Variants in IKZF2 observed in about 807,000 individuals in gnomAD.
IKZF2 encodes IKAROS family zinc finger 2, also known as zinc finger protein Helios.
A neutral mutation model predicts 49.2 loss-of-function variants in IKZF2; 15 were observed. That is an observed-to-expected ratio of 0.30 (90% CI 0.20 to 0.47). IKZF2 has a LOEUF of 0.47. Among genes scored for constraint, IKZF2 ranks in the 20% least tolerant of loss-of-function variants. IKZF2 has a pLI of 1.00. For missense variants in IKZF2, 567 were observed against 664.6 expected, an observed-to-expected ratio of 0.85 and a Z score of 1.61; for synonymous variants, 227 against 221.4, an observed-to-expected ratio of 1.03 and a Z score of -0.23.
At chr2:213,149,669 C>A (rs1322672837) in intron 2 of IKZF2, among the ~76,000 whole-genome samples, 1 of 152,046 alleles carries the variant, frequency 6.6e-6, no homozygotes, top group South Asian at 2.1e-4. Context: ...TTAGCCCTGG[C>A]TCCTGGAATT....
chr2:213,054,672 T>C (rs1373233901), intron 5 of IKZF2, among the ~76,000 whole-genome samples: 1 of 152,148 alleles, frequency 6.6e-6, no homozygotes, highest in Admixed American at 6.6e-5. Flanking sequence ...AAAATCTAGA[T>C]CTGAAGAAAG....
chr2:213,078,140 T>C (rs1212879849), intron 4 of IKZF2, among the ~76,000 whole-genome samples: 2 of 152,168 alleles, frequency 1.3e-5, no homozygotes, highest in African/African-American at 4.8e-5. Context: ...AAACAATTCA[T>C]GAATACAAAG....
At chr2:213,079,951 T>C (rs1703747097) in intron 4 of IKZF2, among the ~76,000 whole-genome samples, 1 of 152,196 alleles carries the variant, frequency 6.6e-6, no homozygotes, top group African/African-American at 2.4e-5. Flanking sequence ...CCTGGAACCC[T>C]GCCAAAAGCT....
intron 6 of IKZF2, among the ~76,000 whole-genome samples, chr2:213,037,105 A>G (rs766592479): frequency 6.6e-6 from 1 of 152,222 alleles, no homozygotes; most frequent in Non-Finnish European, 1.5e-5. Flanking sequence ...GCCAAAGTTA[A>G]GACTGTCCAC....
chr2:213,030,219 T>C (rs1209000815), intron 6 of IKZF2, among the ~76,000 whole-genome samples: 2 of 152,184 alleles, frequency 1.3e-5, no homozygotes, highest in East Asian at 1.9e-4. Context: ...TTTTAAGTTT[T>C]AAAATTCTGC....
intron 4 of IKZF2, among the ~76,000 whole-genome samples, chr2:213,086,478 T>G (rs935441384): frequency 6.6e-6 from 1 of 152,210 alleles, no homozygotes; most frequent in Admixed American, 6.5e-5. Context: ...TGAATGTGTG[T>G]GGCTGAAGGG....
At chr2:213,087,647 C>T (rs1704791626) in intron 4 of IKZF2, among the ~76,000 whole-genome samples, 1 of 152,072 alleles carries the variant, frequency 6.6e-6, no homozygotes, top group Admixed American at 6.6e-5. Flanking sequence ...CTCTACCCTC[C>T]CCACTCCCTG....
At chr2:213,038,926 T>C (rs1303383310) in intron 6 of IKZF2, among the ~76,000 whole-genome samples, 1 of 152,076 alleles carries the variant, frequency 6.6e-6, no homozygotes, top group Non-Finnish European at 1.5e-5. Flanking sequence ...GATTTAAAAC[T>C]AGAGCAACTA....
chr2:213,050,560 G>T (rs1700582364), intron 5 of IKZF2, among the ~76,000 whole-genome samples: 1 of 152,114 alleles, frequency 6.6e-6, no homozygotes, highest in Admixed American at 6.6e-5. Context: ...GATTCTCCTG[G>T]TCACTAATAG....
At chr2:213,106,975 A>G (rs2059554175) in intron 4 of IKZF2, among the ~76,000 whole-genome samples, 2 of 152,204 alleles carry the variant, frequency 1.3e-5, no homozygotes, top group South Asian at 4.1e-4. Context: ...TATATGATAA[A>G]CAGCAGATAT....
chr2:213,095,576 C>A (rs978123440), intron 4 of IKZF2, among the ~76,000 whole-genome samples: 4 of 151,992 alleles, frequency 2.6e-5, no homozygotes, highest in Non-Finnish European at 4.4e-5. Context: ...TAAAACCATG[C>A]ATATGTTATT....
intron 7 of IKZF2, chr2:213,021,523 G>C (rs1429666147): frequency 3.6e-6 from 1 of 275,566 alleles, no homozygotes; most frequent in East Asian, 1.2e-4. Flanking sequence ...TTTGTGGAGA[G>C]AGATGGTGTC....
rs1574436944 is a variant in IKZF2 at position 213,000,192 on chromosome 2, C to T, written c.*7168G>A. On this transcript the variant is annotated 3_prime_UTR_variant, in exon 9 of 9. Coordinates refer to ENST00000434687, the MANE Select transcript of IKZF2 (RefSeq NM_001387220.1). ...GTATGGTATTTGAGCCTTAAAAAAA[C>T]TACATTACACTTAGCAAACCTGACA... 2 of 141,492 alleles carry T rather than the reference C, an allele frequency of 1.4e-5. No homozygotes were observed. The highest frequency in any genetic ancestry group is 4.2e-4 in the East Asian group (2 of 4,744). The allele number at this position is 141,492 out of a possible 1,614,324, so 8.8% of individuals were successfully genotyped here.
At chr2:213,105,374 C>A (rs2059489923) in intron 4 of IKZF2, among the ~76,000 whole-genome samples, 1 of 151,984 alleles carries the variant, frequency 6.6e-6, no homozygotes, top group Admixed American at 6.6e-5. Flanking sequence ...TGAAAATACA[C>A]CAGAGGTTTT....
rs1337742803 is a variant in IKZF2, at chr2:213,001,512, G to T, written c.*5848C>A. 1 of 151,300 alleles carries T rather than the reference G, an allele frequency of 6.6e-6. No homozygotes were observed. Among genetic ancestry groups the T allele is most frequent in the African/African-American group, 2.4e-5 (1 of 41,296 alleles). 9.4% of individuals were successfully genotyped at this position (151,300 alleles called of 1,614,324 possible). ...ATTTGAAAGTGAAAGTAACATGAGG[G>T]TTACATAGCTTACTATTTTTAATCC... On this transcript the variant is annotated 3_prime_UTR_variant, in exon 9 of 9. Coordinates refer to ENST00000434687, the MANE Select transcript of IKZF2 (RefSeq NM_001387220.1).
chr2:213,105,588 GA>G (rs1187139755), intron 4 of IKZF2, among the ~76,000 whole-genome samples: 3 of 140,382 alleles, frequency 2.1e-5, no homozygotes, highest in African/African-American at 5.3e-5. Context: ...TGTGGGGGGG[GA>G]AGGGGGGGGT....
intron 6 of IKZF2, among the ~76,000 whole-genome samples, chr2:213,036,282 A>G (rs1414969709): frequency 6.6e-6 from 1 of 152,192 alleles, no homozygotes; most frequent in African/African-American, 2.4e-5. Flanking sequence ...CATACATGTA[A>G]TATGTAAAAT....
chr2:213,068,636 C>T (rs775115677), intron 4 of IKZF2, among the ~76,000 whole-genome samples: 12 of 151,984 alleles, frequency 7.9e-5, no homozygotes, highest in African/African-American at 1.4e-4. Flanking sequence ...GGGTAAAGAT[C>T]TACCTTTTAG....
At chr2:213,144,596 ATTC>A (rs1189664448) in intron 4 of IKZF2, among the ~76,000 whole-genome samples, 5 of 151,898 alleles carry the variant, frequency 3.3e-5, no homozygotes, top group Non-Finnish European at 5.9e-5. Flanking sequence ...TCTGTCTCAG[ATTC>A]TTAAGTCCCA....
Sources: allele counts gnomAD v4.1 joint callset (sites outside exome capture counted in the v4.1 genomes callset), GRCh38; gene constraint gnomAD v4.1.1; transcripts MANE v1.5; gene names NCBI Gene and HGNC (gene_info 2026-07-23, HGNC 2026-07-21).